The following HOXC4 variants were observed in gnomAD, a reference collection of about 807,000 sequenced individuals.
The protein encoded by HOXC4 is homeobox C4.
HOXC4 carries 15 observed loss-of-function variants against 25.5 expected under a neutral mutation model. The observed-to-expected ratio is 0.59, with a 90% CI of 0.39 to 0.91. HOXC4 has a LOEUF of 0.91. HOXC4 is among the 40% of genes least tolerant of loss of function. The pLI, the probability that HOXC4 is intolerant of heterozygous loss-of-function variation, is 0.00. For missense variants in HOXC4, 342 were observed against 352.4 expected (o/e 0.97, Z 0.24); for synonymous variants, 165 against 148.0 (o/e 1.11, Z -0.83).
chr12:54,044,246 T>TC (rs1475220321), intron 1 of HOXC4, among the ~76,000 whole-genome samples: 1 of 152,116 alleles, frequency 6.6e-6, no homozygotes, highest in Non-Finnish European at 1.5e-5. Context: ...TTTCCTCCCT[T>TC]CCCCAGTAAA....
chr12:54,055,109 C>G lies in HOXC4; in HGVS notation c.699C>G (p.Ser233Arg). Residue 233 changes from serine to arginine, a missense_variant, in exon 2 of 2, where the codon AGC becomes AGG. Transcript: ENST00000430889. Reference sequence around the variant, plus strand: ...CACCCCCGGCCGGCGCTGCGCCCAGCACCCTTTCGGCAGCTACCCCGGGTA... The same window carrying G: ...CACCCCCGGCCGGCGCTGCGCCCAGGACCCTTTCGGCAGCTACCCCGGGTA... ...RSAPPAGAAPSTLSAATPGTS... is the reference protein window; with the variant it reads ...RSAPPAGAAPRTLSAATPGTS... The G allele has an allele frequency of 1.2e-6, 2 of 1,613,354 alleles. No individual in the cohort carries two copies. Among genetic ancestry groups the G allele is most frequent in the Non-Finnish European group, 1.7e-6 (2 of 1,179,842 alleles).
chr12:54,037,909 G>C (rs879443071), intron 1 of HOXC4: 1 of 152,266 alleles, frequency 6.6e-6, no homozygotes, highest in Non-Finnish European at 1.5e-5. Flanking sequence ...AGCTGCTGGT[G>C]AGGTTTAATG....
At chr12:54,040,516 T>C (rs545648644) in intron 1 of HOXC4, among the ~76,000 whole-genome samples, 67 of 152,320 alleles carry the variant, frequency 4.4e-4, no homozygotes, top group African/African-American at 1.6e-3. Context: ...TTGGCTTGTC[T>C]CCTCAGTTGC....
At chr12:54,043,967 T>TGTGTG (rs1565750571) in intron 1 of HOXC4, among the ~76,000 whole-genome samples, 29 of 66,254 alleles carry the variant, frequency 4.4e-4, no homozygotes, top group Middle Eastern at 5.2e-3. Flanking sequence ...TGTGTGTGTG[T>TGTGTG]TTAGGGAGTA....
intron 1 of HOXC4, chr12:54,028,637 C>T (rs752965962): frequency 4.3e-6 from 7 of 1,614,168 alleles, no homozygotes; most frequent in Non-Finnish European, 5.9e-6. Flanking sequence ...CATTTCTCGA[C>T]CTATGGAGCG....
intron 1 of HOXC4, among the ~76,000 whole-genome samples, chr12:54,026,850 G>T (rs988376803): frequency 6.6e-6 from 1 of 151,848 alleles, no homozygotes; most frequent in Non-Finnish European, 1.5e-5. Flanking sequence ...TGGCTTTATT[G>T]CTACCCATTG....
chr12:54,036,634 G>T (rs1941189426), intron 1 of HOXC4, among the ~76,000 whole-genome samples: 1 of 152,114 alleles, frequency 6.6e-6, no homozygotes, highest in Admixed American at 6.5e-5. Flanking sequence ...GGCGCCTGTT[G>T]TCTCTCCTCA....
At position 54,055,170 on chromosome 12, in the gene HOXC4, G is replaced by A. The variant is rs764419681; in HGVS notation, c.760G>A (p.Glu254Lys). The change falls in exon 2 of 2, where the codon GAG becomes AAG. Residue 254 changes from glutamate to lysine, a missense_variant. Transcript: ENST00000430889. ...CCACTCCCAGAGCGCCACGCCGCCG[G>A]AGCAGCAACGGGCAGAGGACATTAC... is the stretch of plus-strand genomic sequence containing the variant. ...EDHSQSATPP[E>K]QQRAEDITRL 6.2e-7 allele frequency: 1 copy of A among 1,610,872 alleles called. No individual in the cohort carries two copies. The highest frequency in any genetic ancestry group is 1.3e-5 in the African/African-American group (1 of 74,782).
intron 1 of HOXC4, among the ~76,000 whole-genome samples, chr12:54,037,066 TG>T (rs1941197256): frequency 1.3e-5 from 2 of 152,206 alleles, no homozygotes; most frequent in African/African-American, 4.8e-5. Flanking sequence ...CATTTTGGCT[TG>T]GGTAGACACA....
intron 1 of HOXC4, among the ~76,000 whole-genome samples, chr12:54,019,180 C>T (rs1258263815): frequency 2.2e-5 from 3 of 134,330 alleles, no homozygotes; most frequent in Non-Finnish European, 3.2e-5. Context: ...CTCCCCCACC[C>T]CCCCACCCCC....
chr12:54,049,939 T>G (rs1937807346), upstream of HOXC4, among the ~76,000 whole-genome samples: 2 of 148,880 alleles, frequency 1.3e-5, no homozygotes, highest in Admixed American at 1.3e-4. Context: ...ACAGAAATGT[T>G]GCAATTTTTA....
At chr12:54,034,372 C>T (rs1196024348) in intron 1 of HOXC4, 1 of 1,614,136 alleles carries the variant, frequency 6.2e-7, no homozygotes, top group Admixed American at 1.7e-5. Flanking sequence ...TCACTCGCCG[C>T]AGGCGCATAG....
chr12:54,033,634 C>A, intron 1 of HOXC4: 4 of 1,367,412 alleles, frequency 2.9e-6, no homozygotes, highest in Non-Finnish European at 3.9e-6. Flanking sequence ...ATAGGCCATG[C>A]GGGGCAAATA....
chr12:54,026,964 T>TGGGG (rs71068201), intron 1 of HOXC4, among the ~76,000 whole-genome samples: 7 of 127,280 alleles, frequency 5.5e-5, no homozygotes, highest in African/African-American at 2.0e-4. Context: ...CCAAAAATGG[T>TGGGG]GGGGGGGGGG....
chr12:54,036,126 G>T (rs1256382934), intron 1 of HOXC4, among the ~76,000 whole-genome samples: 1 of 152,104 alleles, frequency 6.6e-6, no homozygotes, highest in African/African-American at 2.4e-5. Context: ...AAAAGTGGGG[G>T]TGGGAGGAGG....
chr12:54,047,165 A>T (rs922968694), intron 1 of HOXC4, among the ~76,000 whole-genome samples: 3 of 152,250 alleles, frequency 2.0e-5, no homozygotes, highest in African/African-American at 7.2e-5. Flanking sequence ...CTCCGGGCTT[A>T]ATCCAGACCT....
chr12:54,031,377 C>G (rs1311207022), intron 1 of HOXC4, among the ~76,000 whole-genome samples: 4 of 152,182 alleles, frequency 2.6e-5, no homozygotes, highest in Non-Finnish European at 4.4e-5. Context: ...TTGAGCGATT[C>G]AAGGACATCT....
Position 54,054,078 on chromosome 12 carries a change from G to T in HOXC4, c.156G>T (p.Leu52=). The T allele has an allele frequency of 1.2e-6, 2 of 1,614,078 alleles. No homozygotes were observed. Among genetic ancestry groups the T allele is most frequent in the African/African-American group, 1.3e-5 (1 of 74,986 alleles). ...GATTCCAGCATCACCACCAGGAGCTGTACCCACCACCGCCTCCGCGCCCTA... is the reference window on the plus strand; with the variant it reads ...GATTCCAGCATCACCACCAGGAGCTTTACCCACCACCGCCTCCGCGCCCTA... The part of the protein sequence containing the change: ...ESGFQHHHQE[L]YPPPPPRPSY... Residue 52 remains leucine, a synonymous_variant, in exon 1 of 2, where the codon CTG becomes CTT. Transcript: ENST00000430889.
At position 54,054,159 on chromosome 12, in the gene HOXC4, A is replaced by G. The variant is rs1392698845; in HGVS notation, c.237A>G (p.Arg79=). 8.7e-6 allele frequency: 14 copies of G among 1,613,720 alleles called. No individual in the cohort carries two copies. Among genetic ancestry groups the G allele is most frequent in the Non-Finnish European group, 1.2e-5 (14 of 1,179,932 alleles). ...GTCTCCAGGGGCCCGGCAATTCGCG[A>G]GGCCACGGGCCGGCCCAGGCGGGCC... is the stretch of plus-strand genomic sequence containing the variant. ...CTSLQGPGNS[R]GHGPAQAGHH... is the part of the protein sequence containing the mutation. Residue 79 remains arginine, a synonymous_variant, in exon 1 of 2, where the codon CGA becomes CGG. Coordinates refer to ENST00000430889, the MANE Select transcript of HOXC4 (RefSeq NM_153633.3).
Sources: allele counts gnomAD v4.1 joint callset (sites outside exome capture counted in the v4.1 genomes callset), GRCh38; gene constraint gnomAD v4.1.1; transcripts MANE v1.5; gene names NCBI Gene and HGNC (gene_info 2026-07-23, HGNC 2026-07-21).